DACH1: variants seen among roughly 807,000 people sequenced by gnomAD.
DACH1 encodes dachshund family transcription factor 1.
DACH1 carries 12 observed loss-of-function variants against 54.2 expected under a neutral mutation model. That is an observed-to-expected ratio of 0.22 (90% confidence interval 0.14 to 0.36). The LOEUF (loss-of-function observed/expected upper bound fraction) is 0.36, where lower values mean the gene tolerates loss of function less well. Among genes scored for constraint, DACH1 ranks in the 10% least tolerant of loss-of-function variants. The pLI, the probability that DACH1 is intolerant of heterozygous loss-of-function variation, is 1.00. For missense variants in DACH1, 805 were observed against 929.8 expected, an observed-to-expected ratio of 0.87 and a Z score of 1.75; for synonymous variants, 386 against 366.2, an observed-to-expected ratio of 1.05 and a Z score of -0.62.
At chr13:71,719,122 G>A (rs1365791064) in intron 1 of DACH1, among the ~76,000 whole-genome samples, 5 of 152,112 alleles carry the variant, frequency 3.3e-5, no homozygotes, top group Non-Finnish European at 7.4e-5. Flanking sequence ...GCTTTCAACA[G>A]TCAACTAAAC....
At chr13:71,803,450 G>A (rs577597822) in intron 1 of DACH1, among the ~76,000 whole-genome samples, 16 of 152,114 alleles carry the variant, frequency 1.1e-4, no homozygotes, top group Admixed American at 2.6e-4. Flanking sequence ...ATTTTAAACC[G>A]AAGTATATTC....
chr13:71,864,134 C>A (rs2138299859), intron 1 of DACH1, among the ~76,000 whole-genome samples: 1 of 150,732 alleles, frequency 6.6e-6, no homozygotes. Flanking sequence ...CACCACCCCC[C>A]ATCTTTACTG....
Position 71,675,169 on chromosome 13 carries a change from G to T in DACH1, c.964+6626C>A, listed in dbSNP as rs940314848. On this transcript the variant is annotated intron_variant, in intron 2 of 10. Coordinates refer to ENST00000613252, the MANE Select transcript of DACH1 (RefSeq NM_080759.6). ...CAAGAGTGCGCCCTCTACTGGAGGG[G>T]TGAAGAAACCTCATCGTAACAGGCC... The T allele has an allele frequency of 5.1e-6, 8 of 1,582,334 alleles. No individual in the cohort carries two copies. In the African/African-American group the frequency reaches 9.4e-5, roughly 19 times the overall value.
chr13:71,773,491 G>A (rs1885943389), intron 1 of DACH1, among the ~76,000 whole-genome samples: 1 of 151,824 alleles, frequency 6.6e-6, no homozygotes, highest in Non-Finnish European at 1.5e-5. Context: ...TGAAATGTTT[G>A]GTAATTGTAA....
intron 3 of DACH1, among the ~76,000 whole-genome samples, chr13:71,607,293 C>T (rs147103003): frequency 1.4e-4 from 21 of 151,842 alleles, no homozygotes; most frequent in African/African-American, 4.8e-4. Context: ...TTTAAAAATT[C>T]CTGTTTTAAA....
At chr13:71,531,535 G>A (rs748039920) in intron 6 of DACH1, among the ~76,000 whole-genome samples, 39 of 151,854 alleles carry the variant, frequency 2.6e-4, no homozygotes, top group Admixed American at 2.1e-3. Flanking sequence ...GTAAAACTCT[G>A]TCTAATAAAT....
chr13:71,677,452 G>A (rs1031322506), intron 2 of DACH1, among the ~76,000 whole-genome samples: 2 of 152,098 alleles, frequency 1.3e-5, no homozygotes, highest in Non-Finnish European at 2.9e-5. Flanking sequence ...GCCCACTCAA[G>A]CAGCCAAAAT....
intron 2 of DACH1, among the ~76,000 whole-genome samples, chr13:71,636,613 G>T (rs1056510292): frequency 2.7e-5 from 4 of 149,854 alleles, no homozygotes; most frequent in Admixed American, 6.6e-5. Flanking sequence ...ATTGAGAAAG[G>T]TTTCTTTAAA....
At chr13:71,622,234 G>C (rs1594000582) in intron 3 of DACH1, among the ~76,000 whole-genome samples, 2 of 152,050 alleles carry the variant, frequency 1.3e-5, no homozygotes, top group East Asian at 1.9e-4. Context: ...TCACGGTCAC[G>C]TGAATGTGAA....
At chr13:71,545,404 G>C (rs1195496588) in intron 6 of DACH1, among the ~76,000 whole-genome samples, 1 of 151,862 alleles carries the variant, frequency 6.6e-6, no homozygotes, top group Non-Finnish European at 1.5e-5. Context: ...TCAATATATA[G>C]CAAATTGAAG....
intron 6 of DACH1, among the ~76,000 whole-genome samples, chr13:71,494,279 G>A (rs1299065984): frequency 1.3e-5 from 2 of 151,510 alleles, no homozygotes; most frequent in Admixed American, 1.3e-4. Flanking sequence ...TTTTTTCCTG[G>A]GTTAGCAATA....
chr13:71,489,635 G>A (rs1013276953), intron 6 of DACH1, among the ~76,000 whole-genome samples: 1 of 152,016 alleles, frequency 6.6e-6, no homozygotes, highest in Non-Finnish European at 1.5e-5. Context: ...ACAAAAGAAT[G>A]TAAAGTTAAA....
chr13:71,809,404 C>A (rs1017285292), intron 1 of DACH1, among the ~76,000 whole-genome samples: 1 of 152,180 alleles, frequency 6.6e-6, no homozygotes, highest in East Asian at 1.9e-4. Flanking sequence ...CACCTGGGCT[C>A]AAGTGATCCT....
chr13:71,544,298 A>AT (rs1223341182), intron 6 of DACH1, among the ~76,000 whole-genome samples: 2 of 152,154 alleles, frequency 1.3e-5, no homozygotes, highest in Non-Finnish European at 2.9e-5. Flanking sequence ...AATAGAGGTT[A>AT]TAGTTTAGAT....
At chr13:71,441,305 CA>C (rs1257924015) in intron 10 of DACH1, among the ~76,000 whole-genome samples, 1 of 151,946 alleles carries the variant, frequency 6.6e-6, no homozygotes. Flanking sequence ...AGCAAACACA[CA>C]GTTGTGTGAA....
chr13:71,609,587 G>A (rs564741535), intron 3 of DACH1, among the ~76,000 whole-genome samples: 16 of 151,518 alleles, frequency 1.1e-4, no homozygotes, highest in Admixed American at 2.0e-4. Flanking sequence ...TAGCCCAGGC[G>A]CGATCTTGGC....
At chr13:71,808,591 A>T (rs987855335) in intron 1 of DACH1, among the ~76,000 whole-genome samples, 14 of 152,340 alleles carry the variant, frequency 9.2e-5, no homozygotes, top group African/African-American at 2.6e-4. Context: ...GATGTAAAAT[A>T]TCATGTTCCC....
chr13:71,533,767 C>CA (rs200841096), intron 6 of DACH1, among the ~76,000 whole-genome samples: 1 of 147,366 alleles, frequency 6.8e-6, no homozygotes, highest in African/African-American at 2.7e-5. Context: ...GTCACACACA[C>CA]AAACACACAC....
At chr13:71,454,619 A>C (rs2138124496) in intron 10 of DACH1, among the ~76,000 whole-genome samples, 1 of 152,324 alleles carries the variant, frequency 6.6e-6, no homozygotes, top group East Asian at 1.9e-4. Flanking sequence ...CAAGGAACTG[A>C]TGGTGGCCTC....
Sources: allele counts gnomAD v4.1 joint callset (sites outside exome capture counted in the v4.1 genomes callset), GRCh38; gene constraint gnomAD v4.1.1; transcripts MANE v1.5; gene names NCBI Gene and HGNC (gene_info 2026-07-23, HGNC 2026-07-21).